Variants in KIDINS220 observed in about 807,000 individuals in gnomAD.
KIDINS220 encodes the protein kinase D-interacting substrate of 220 kDa.
In KIDINS220, 63 loss-of-function variants were observed where a neutral mutation model predicts 157.6. That is an observed-to-expected ratio of 0.40 (90% CI 0.33 to 0.49). The LOEUF (loss-of-function observed/expected upper bound fraction) is 0.49. Ranked by LOEUF, KIDINS220 falls within the 20% of genes least tolerant of loss-of-function variation. KIDINS220 has a pLI of 0.66. For synonymous variants in KIDINS220, 732 were observed against 783.6 expected (o/e 0.93, Z 1.10); for missense variants, 1,772 against 2,171.2 (o/e 0.82, Z 3.65).
intron 27 of KIDINS220, among the ~76,000 whole-genome samples, chr2:8,736,566 C>G (rs1158462091): frequency 2.0e-5 from 3 of 152,186 alleles, no homozygotes; most frequent in African/African-American, 7.2e-5. Flanking sequence ...TTCTGTTTAT[C>G]CCAATGGGAA....
intron 1 of KIDINS220, among the ~76,000 whole-genome samples, chr2:8,833,842 A>G (rs1375802401): frequency 6.6e-6 from 1 of 152,238 alleles, no homozygotes; most frequent in Non-Finnish European, 1.5e-5. Flanking sequence ...CCATTTTTAG[A>G]ACTTGCCAAT....
intron 28 of KIDINS220, 25 bp downstream of exon 28, chr2:8,734,630 C>T (rs1195122743): frequency 7.0e-7 from 1 of 1,429,228 alleles, no homozygotes; most frequent in South Asian, 1.2e-5. Context: ...ATGTTGTAAA[C>T]ATCACAATGT....
chr2:8,770,605 CG>C (rs1670071916), intron 22 of KIDINS220, 64 bp downstream of exon 22: 10 of 782,480 alleles, frequency 1.3e-5, no homozygotes, highest in Middle Eastern at 3.1e-4. Context: ...GCTTTATACG[CG>C]TTTTTTTTTT....
chr2:8,811,093 C>A (rs1188795661), intron 6 of KIDINS220, among the ~76,000 whole-genome samples: 2 of 152,164 alleles, frequency 1.3e-5, no homozygotes, highest in African/African-American at 4.8e-5. Flanking sequence ...TGATTTCCAA[C>A]AGCCCCAAAA....
chr2:8,828,722 A>C (rs1428419803), intron 1 of KIDINS220, among the ~76,000 whole-genome samples: 1 of 152,248 alleles, frequency 6.6e-6, no homozygotes, highest in Non-Finnish European at 1.5e-5. Context: ...TCAAAATTGA[A>C]AACTTTGGCT....
chr2:8,832,629 C>G (rs576103259), intron 1 of KIDINS220, among the ~76,000 whole-genome samples: 2 of 152,246 alleles, frequency 1.3e-5, no homozygotes, highest in South Asian at 2.1e-4. Context: ...TTTGCCTTCA[C>G]GCGTCTTTGT....
chr2:8,751,867 G>A (rs575518091), intron 22 of KIDINS220, among the ~76,000 whole-genome samples: 1 of 152,126 alleles, frequency 6.6e-6, no homozygotes, highest in East Asian at 1.9e-4. Flanking sequence ...ACCATGCCCA[G>A]CTAATTTTTG....
Position 8,750,207 on chromosome 2 carries a change from A to G in KIDINS220, c.3319T>C (p.Phe1107Leu), listed in dbSNP as rs1331189705. Reference protein sequence around the residue: ...QPPSVCSSTSFNGPFAGGVVS... With the variant: ...QPPSVCSSTSLNGPFAGGVVS... ...ACTCCACCTGCGAAGGGCCCATTGA[A>G]GGACGTGGAAGAGCACACGGATGGG... Residue 1107 changes from phenylalanine to leucine, a missense_variant, in exon 24 of 30, where the codon TTC becomes CTC. Transcript: ENST00000256707. 1 of 1,614,056 alleles carries G rather than the reference A, an allele frequency of 6.2e-7. No individual in the cohort carries two copies. Among genetic ancestry groups the G allele is most frequent in the Non-Finnish European group, 8.5e-7 (1 of 1,180,030 alleles).
chr2:8,802,175 T>G (rs1674815692), intron 8 of KIDINS220, among the ~76,000 whole-genome samples: 1 of 152,116 alleles, frequency 6.6e-6, no homozygotes, highest in African/African-American at 2.4e-5. Flanking sequence ...TCATGTCATG[T>G]CTATAACTAA....
chr2:8,732,630 A>G (rs1664285922), intron 29 of KIDINS220, among the ~76,000 whole-genome samples: 1 of 152,222 alleles, frequency 6.6e-6, no homozygotes, highest in Non-Finnish European at 1.5e-5. Flanking sequence ...AAAGAAGGAG[A>G]AGAATCAAGA....
In KIDINS220 at chr2:8,730,287, G is replaced by T; in HGVS notation, c.*433C>A. The T allele has an allele frequency of 1.0e-6, 1 of 1,001,238 alleles. No homozygotes were observed. Among genetic ancestry groups the T allele is most frequent in the Non-Finnish European group, 1.2e-6 (1 of 840,280 alleles). The allele number at this position is 1,001,238 out of a possible 1,614,324, so 62.0% of individuals were successfully genotyped here. ...TGCACTCACCTAGGTGAGCCCCTAA[G>T]AGCAGGGTTTGCTTCTGCTTCACCT... On this transcript the variant is annotated 3_prime_UTR_variant, in exon 30 of 30. Coordinates refer to ENST00000256707, the MANE Select transcript of KIDINS220 (RefSeq NM_020738.4).
chr2:8,742,152 C>T (rs1665717006), intron 26 of KIDINS220, among the ~76,000 whole-genome samples: 1 of 152,084 alleles, frequency 6.6e-6, no homozygotes, highest in African/African-American at 2.4e-5. Flanking sequence ...ACAAGGTCTG[C>T]TCTGTCACCA....
In KIDINS220 at chr2:8,737,780, G is replaced by A. The variant is rs148898518; in HGVS notation, c.3586-781C>T. Among the ~76,000 whole-genome samples, 18 of 152,326 alleles carry A rather than the reference G, an allele frequency of 1.2e-4. No homozygotes were observed. In the East Asian group the frequency reaches 3.5e-3, roughly 29 times the overall value. Reference sequence around the variant, plus strand: ...GCACAGATGTGCTCATTGTGGTTTAGAGGGTGCATCAGCCTGGTCAAAATC... The same window carrying A: ...GCACAGATGTGCTCATTGTGGTTTAAAGGGTGCATCAGCCTGGTCAAAATC... On this transcript the variant is annotated intron_variant, in intron 26 of 29. Transcript: ENST00000256707.
At chr2:8,725,297 T>C (rs1272102903), downstream of KIDINS220, 6 of 152,342 alleles carry the variant, frequency 3.9e-5, no homozygotes, top group East Asian at 1.2e-3. Flanking sequence ...ATCTTTTTAT[T>C]AGACATCTGA....
intron 27 of KIDINS220, among the ~76,000 whole-genome samples, chr2:8,736,001 G>T (rs955493621): frequency 6.6e-6 from 1 of 152,204 alleles, no homozygotes; most frequent in Non-Finnish European, 1.5e-5. Flanking sequence ...TGGAAAAGCC[G>T]GTGTTTGACT....
chr2:8,829,384 G>A (rs1203362076), intron 1 of KIDINS220, among the ~76,000 whole-genome samples: 2 of 152,114 alleles, frequency 1.3e-5, no homozygotes, highest in African/African-American at 2.4e-5. Context: ...CTCTTGGGGT[G>A]AAAAACTATT....
chr2:8,744,587 G>A (rs748994863), intron 26 of KIDINS220, among the ~76,000 whole-genome samples: 2 of 150,868 alleles, frequency 1.3e-5, no homozygotes, highest in Non-Finnish European at 3.0e-5. Flanking sequence ...GTATAGAGAC[G>A]GCTGACTGAG....
At chr2:8,755,102 A>G (rs1667848339) in intron 22 of KIDINS220, among the ~76,000 whole-genome samples, 1 of 152,272 alleles carries the variant, frequency 6.6e-6, no homozygotes, top group East Asian at 1.9e-4. Context: ...ATTGCAGCCA[A>G]AAAGTCAGAA....
intron 22 of KIDINS220, among the ~76,000 whole-genome samples, chr2:8,758,400 C>G (rs1381153798): frequency 6.6e-6 from 1 of 152,198 alleles, no homozygotes; most frequent in Non-Finnish European, 1.5e-5. Context: ...CTGGTCTCAG[C>G]AGCAACTCCA....
Sources: gnomAD v4.1 joint callset for allele counts (sites outside exome capture counted in the v4.1 genomes callset) on GRCh38, gnomAD v4.1.1 for gene constraint, MANE v1.5 for transcripts, NCBI Gene and HGNC (gene_info 2026-07-23, HGNC 2026-07-21) for gene names.